The following PKHD1 variants were observed in gnomAD, a reference collection of about 807,000 sequenced individuals.
PKHD1 encodes the protein PKHD1 ciliary IPT domain containing fibrocystin/polyductin, also known as fibrocystin.
A neutral mutation model predicts 412.0 loss-of-function variants in PKHD1; 291 were observed. That is an observed-to-expected ratio of 0.71 (90% confidence interval 0.64 to 0.78). The LOEUF (loss-of-function observed/expected upper bound fraction) is 0.78. Ranked by LOEUF, PKHD1 falls within the 30% of genes least tolerant of loss-of-function variation. PKHD1 has a pLI of 0.00. For missense variants in PKHD1, 4,825 were observed against 4,950.7 expected, an observed-to-expected ratio of 0.97 and a Z score of 0.76; for synonymous variants, 1,777 against 1,821.5, an observed-to-expected ratio of 0.98 and a Z score of 0.62.
chr6:52,017,449 G>A lies in PKHD1; in HGVS notation c.5561C>T (p.Ala1854Val). Residue 1854 changes from alanine to valine, a missense_variant, in exon 34 of 67, where the codon GCA (alanine) becomes GTA (valine). Ala to Val is a moderately conservative substitution (Grantham distance 64). Coordinates refer to ENST00000371117, the MANE Select transcript of PKHD1 (RefSeq NM_138694.4). ...CGAGAATGATGGAAACATTGACTCT[G>A]CCCAATGATCTGGCACAAAGAGGCA... ...SQCLFVPDHW[A>V]ESMFPSFSGL... The A allele has an allele frequency of 1.9e-6, 3 of 1,613,790 alleles. No homozygotes were observed. Among genetic ancestry groups the A allele is most frequent in the Non-Finnish European group, 2.5e-6 (3 of 1,179,656 alleles).
chr6:51,978,887 C>T (rs1794787279), intron 35 of PKHD1, among the ~76,000 whole-genome samples: 1 of 152,216 alleles, frequency 6.6e-6, no homozygotes, highest in Non-Finnish European at 1.5e-5. Flanking sequence ...AGTGTCTCAA[C>T]TCTCTCCTAA....
intron 35 of PKHD1, among the ~76,000 whole-genome samples, chr6:51,978,905 A>G (rs539423621): frequency 6.6e-6 from 1 of 152,336 alleles, no homozygotes; most frequent in African/African-American, 2.4e-5. Flanking sequence ...TAAACTCTAA[A>G]TGGATGGATA....
intron 4 of PKHD1, among the ~76,000 whole-genome samples, 197 bp downstream of exon 4, chr6:52,082,195 C>T (rs1812134850): frequency 6.6e-6 from 1 of 152,126 alleles, no homozygotes; most frequent in African/African-American, 2.4e-5. Context: ...AAGTTCTTCC[C>T]CATACTCTCA....
chr6:51,644,238 AAAC>A lies in PKHD1; in HGVS notation c.11398+3790_11398+3792del, dbSNP rs560632877. On this transcript the variant is annotated intron_variant, in intron 63 of 66. Transcript: ENST00000371117. ...CTGAGATCTGAGATTAATTCATTGA[AAAC>A]AACATCAAATGATTATTCATTAACT... Among the ~76,000 whole-genome samples, 5 of 152,316 alleles carry A rather than the reference AAAC, an allele frequency of 3.3e-5. No individual in the cohort carries two copies. In the East Asian group the frequency reaches 9.6e-4, roughly 29 times the overall value.
chr6:51,770,558 T>G (rs1250782905), intron 55 of PKHD1, among the ~76,000 whole-genome samples: 1 of 151,906 alleles, frequency 6.6e-6, no homozygotes, highest in Non-Finnish European at 1.5e-5. Context: ...AACTGGCAAA[T>G]TTGTACTTAC....
chr6:51,823,823 A>G (rs759111993), intron 52 of PKHD1, among the ~76,000 whole-genome samples: 1 of 152,126 alleles, frequency 6.6e-6, no homozygotes, highest in Non-Finnish European at 1.5e-5. Flanking sequence ...CTTGGTTAGA[A>G]AGTTTAGGGG....
chr6:51,957,145 G>A (rs988492569), intron 36 of PKHD1, among the ~76,000 whole-genome samples: 16 of 152,176 alleles, frequency 1.1e-4, no homozygotes, highest in African/African-American at 3.6e-4. Context: ...GAGTCATCAG[G>A]GTCCTGGGTT....
intron 48 of PKHD1, among the ~76,000 whole-genome samples, chr6:51,862,056 TAGGA>T (rs770934334): frequency 6.6e-5 from 10 of 152,144 alleles, no homozygotes; most frequent in Non-Finnish European, 7.4e-5. Context: ...ATCCAGCAGG[TAGGA>T]AGTTAGACTA....
At chr6:51,687,373 C>T (rs1352067326) in intron 60 of PKHD1, among the ~76,000 whole-genome samples, 1 of 152,068 alleles carries the variant, frequency 6.6e-6, no homozygotes, top group Non-Finnish European at 1.5e-5. Flanking sequence ...ATAATAGATC[C>T]TTTTCTGTAT....
chr6:51,919,375 T>C (rs1168496734), intron 37 of PKHD1, among the ~76,000 whole-genome samples: 2 of 152,248 alleles, frequency 1.3e-5, no homozygotes, highest in Non-Finnish European at 2.9e-5. Flanking sequence ...GCACCATTTA[T>C]TAAATAGGGA....
At chr6:51,767,913 A>G (rs1478783161) in intron 55 of PKHD1, among the ~76,000 whole-genome samples, 1 of 152,088 alleles carries the variant, frequency 6.6e-6, no homozygotes, top group Non-Finnish European at 1.5e-5. Context: ...CAATGGTTGA[A>G]CTAGTTTACA....
chr6:51,719,233 G>T (rs1781623334), intron 60 of PKHD1, among the ~76,000 whole-genome samples: 1 of 151,902 alleles, frequency 6.6e-6, no homozygotes, highest in Non-Finnish European at 1.5e-5. Context: ...TCTTGAGACA[G>T]GGTCTCACTC....
intron 60 of PKHD1, among the ~76,000 whole-genome samples, chr6:51,679,149 T>A (rs553470812): frequency 3.0e-4 from 46 of 152,208 alleles, no homozygotes; most frequent in African/African-American, 1.1e-3. Context: ...AGTTCCTTTC[T>A]CATAACCAGT....
intron 65 of PKHD1, among the ~76,000 whole-genome samples, chr6:51,632,206 A>C (rs982024355): frequency 1.3e-4 from 20 of 152,020 alleles, no homozygotes; most frequent in African/African-American, 4.6e-4. Flanking sequence ...TGCCTCCCAA[A>C]GTGCTGGTTT....
chr6:51,645,748 C>G (rs919080287), intron 63 of PKHD1, among the ~76,000 whole-genome samples: 5 of 152,166 alleles, frequency 3.3e-5, no homozygotes, highest in Non-Finnish European at 7.4e-5. Flanking sequence ...TAAATTATTT[C>G]TCATCTAAAA....
At chr6:51,811,409 C>G (rs1014339314) in intron 52 of PKHD1, among the ~76,000 whole-genome samples, 1 of 152,138 alleles carries the variant, frequency 6.6e-6, no homozygotes, top group Non-Finnish European at 1.5e-5. Context: ...CTCTGGGTAA[C>G]TACACTGTCA....
intron 14 of PKHD1, among the ~76,000 whole-genome samples, chr6:52,061,578 C>T (rs1401687305): frequency 3.3e-5 from 5 of 152,008 alleles, no homozygotes; most frequent in African/African-American, 4.8e-5. Context: ...TTATTCAATG[C>T]CTAAAAATTC....
At chr6:51,854,497 C>T (rs6917791) in intron 49 of PKHD1, among the ~76,000 whole-genome samples, 61,204 of 151,984 alleles carry the variant, frequency 0.4, 13,517 homozygotes, top group East Asian at 0.85. Flanking sequence ...CTCGTCTGGG[C>T]TGCCGGGATT....
chr6:51,645,397 TTTC>T (rs1422235811), intron 63 of PKHD1, among the ~76,000 whole-genome samples: 1 of 152,218 alleles, frequency 6.6e-6, no homozygotes, highest in African/African-American at 2.4e-5. Flanking sequence ...TATTTTCTTT[TTTC>T]TTTTTTTCTT....
Sources: gnomAD v4.1 joint callset for allele counts (sites outside exome capture counted in the v4.1 genomes callset) on GRCh38, gnomAD v4.1.1 for gene constraint, MANE v1.5 for transcripts, NCBI Gene and HGNC (gene_info 2026-07-23, HGNC 2026-07-21) for gene names.